The following TBC1D22A variants were observed in gnomAD, a reference collection of about 807,000 sequenced individuals.
TBC1D22A encodes TBC1 domain family member 22A.
A neutral mutation model predicts 60.2 loss-of-function variants in TBC1D22A; 38 were observed. That is an observed-to-expected ratio of 0.63 (90% CI 0.49 to 0.83). The LOEUF is 0.83. Ranked by LOEUF, TBC1D22A falls within the 40% of genes least tolerant of loss-of-function variation. The pLI is 0.00. For missense variants in TBC1D22A, 628 were observed against 701.0 expected, an observed-to-expected ratio of 0.90 and a Z score of 1.18; for synonymous variants, 302 against 281.7, an observed-to-expected ratio of 1.07 and a Z score of -0.72.
At chr22:47,128,882 A>G (rs530464471) in intron 12 of TBC1D22A, among the ~76,000 whole-genome samples, 1 of 152,332 alleles carries the variant, frequency 6.6e-6, no homozygotes, top group South Asian at 2.1e-4. Context: ...CACACTTGGC[A>G]ATATGCATGA....
At chr22:46,782,083 C>T (rs188698881) in intron 1 of TBC1D22A, among the ~76,000 whole-genome samples, 1 of 152,344 alleles carries the variant, frequency 6.6e-6, no homozygotes, top group Non-Finnish European at 1.5e-5. Flanking sequence ...GAGATGGAGT[C>T]TCACTCTGTC....
At chr22:46,939,512 T>G (rs921321941) in intron 8 of TBC1D22A, among the ~76,000 whole-genome samples, 8 of 152,172 alleles carry the variant, frequency 5.3e-5, no homozygotes, top group African/African-American at 1.9e-4. Flanking sequence ...TGGACCAAAT[T>G]TGGTACACTT....
intron 8 of TBC1D22A, among the ~76,000 whole-genome samples, chr22:46,949,941 G>A (rs2072797657): frequency 6.6e-6 from 1 of 152,240 alleles, no homozygotes; most frequent in South Asian, 2.1e-4. Flanking sequence ...GCTGTGCTCA[G>A]TGTCATCTGA....
At chr22:46,848,218 C>T (rs943063326) in intron 4 of TBC1D22A, among the ~76,000 whole-genome samples, 11 of 152,204 alleles carry the variant, frequency 7.2e-5, no homozygotes, top group Non-Finnish European at 1.2e-4. Flanking sequence ...AAAATGGTAT[C>T]GCGGAGGCGG....
Position 46,827,986 on chromosome 22 carries a change from C to T in TBC1D22A, c.637+30366C>T, listed in dbSNP as rs575446281. Among the ~76,000 whole-genome samples the T allele has an allele frequency of 5.3e-5, 8 of 152,292 alleles. No homozygotes were observed. The East Asian group carries it at 5.8e-4, about 11-fold the overall frequency. ...AATCTCAAGTGTTGTTAGGCCTGTG[C>T]GTCGTGCAGTGTAATTTCCCCACAA... On this transcript the variant is annotated intron_variant, in intron 4 of 12. Coordinates refer to ENST00000337137, the MANE Select transcript of TBC1D22A (RefSeq NM_014346.5).
intron 12 of TBC1D22A, among the ~76,000 whole-genome samples, chr22:47,138,505 A>G (rs993668250): frequency 6.6e-5 from 10 of 152,308 alleles, no homozygotes; most frequent in African/African-American, 9.6e-5. Flanking sequence ...GTGTCCCGGC[A>G]CAGCTTCCCA....
intron 4 of TBC1D22A, among the ~76,000 whole-genome samples, chr22:46,806,876 A>G (rs1601944022): frequency 1.3e-5 from 2 of 152,202 alleles, no homozygotes; most frequent in African/African-American, 2.4e-5. Flanking sequence ...AGTAGCTACA[A>G]TTATGGAATT....
At chr22:46,806,086 C>CAA in intron 4 of TBC1D22A, among the ~76,000 whole-genome samples, 1 of 152,106 alleles carries the variant, frequency 6.6e-6, no homozygotes, top group Non-Finnish European at 1.5e-5. Flanking sequence ...CTCCTGACCT[C>CAA]GTGATCCACC....
chr22:47,037,075 A>G lies in TBC1D22A; in HGVS notation c.1206A>G (p.Gln402=), dbSNP rs755258982. The change falls in exon 11 of 13, where the codon CAA becomes CAG. Residue 402 remains glutamine (Q), a synonymous_variant. Transcript: ENST00000337137. The part of the protein sequence containing the change: ...LEELVSRIDE[Q]VHRHLDQHEV... ...GCCTGTGTTTGTTTTGTGCAGAGCA[A>G]GTGCACCGGCACCTGGACCAACACG... 5.6e-6 allele frequency: 9 copies of G among 1,613,436 alleles called. No individual in the cohort carries two copies. The highest frequency in any genetic ancestry group is 1.7e-6 in the Non-Finnish European group (2 of 1,179,664).
At chr22:46,891,505 G>T (rs2147602585) in intron 6 of TBC1D22A, 111 bp downstream of exon 6, 2 of 1,195,256 alleles carry the variant, frequency 1.7e-6, no homozygotes, top group Non-Finnish European at 2.3e-6. Flanking sequence ...AGTTAAAGAT[G>T]CAGGTCCCTG....
At chr22:46,768,501 A>C (rs1359303366) in intron 1 of TBC1D22A, among the ~76,000 whole-genome samples, 1 of 151,246 alleles carries the variant, frequency 6.6e-6, no homozygotes, top group Admixed American at 6.6e-5. Flanking sequence ...AAAAAAAAAA[A>C]AAAAAAAATA....
At chr22:47,145,316 C>T (rs1428686108) in intron 12 of TBC1D22A, among the ~76,000 whole-genome samples, 5 of 152,148 alleles carry the variant, frequency 3.3e-5, no homozygotes, top group African/African-American at 7.2e-5. Flanking sequence ...GGTAGTGACC[C>T]GTCTGGCTGG....
chr22:47,151,636 G>A (rs1334701265), intron 12 of TBC1D22A, among the ~76,000 whole-genome samples: 3 of 152,182 alleles, frequency 2.0e-5, no homozygotes, highest in Non-Finnish European at 4.4e-5. Flanking sequence ...TGGCTGCTGA[G>A]CCAGGGCTTC....
intron 4 of TBC1D22A, among the ~76,000 whole-genome samples, chr22:46,870,672 T>G (rs1455472235): frequency 1.3e-5 from 2 of 152,196 alleles, no homozygotes; most frequent in Non-Finnish European, 1.5e-5. Context: ...TTTCGGAGGC[T>G]TGGAGGTCTC....
intron 8 of TBC1D22A, among the ~76,000 whole-genome samples, chr22:46,947,748 T>TG (rs136065): frequency 1 from 152,240 of 152,242 alleles, 76,119 homozygotes; most frequent in Middle Eastern, 1. Context: ...GAGTGGGAGG[T>TG]GGCAGAGACG....
In TBC1D22A at chr22:47,001,938, C is replaced by T. The variant is rs137925383; in HGVS notation, c.1201+4229C>T. ...TGTCGCCTAATCTGTATTATCCTGC[C>T]TTGTGTTACTTAAAATTTAATAAGC... On this transcript the variant is annotated intron_variant, in intron 10 of 12. Coordinates refer to ENST00000337137, the MANE Select transcript of TBC1D22A (RefSeq NM_014346.5). 3.8e-3 allele frequency among the ~76,000 whole-genome samples: 580 copies of T among 152,274 alleles called. 4 individuals are homozygous for T. Among genetic ancestry groups the T allele is most frequent in the African/African-American group, 0.013 (553 of 41,534 alleles).
chr22:46,843,079 C>A (rs1398882296), intron 4 of TBC1D22A, among the ~76,000 whole-genome samples: 1 of 152,092 alleles, frequency 6.6e-6, no homozygotes, highest in East Asian at 1.9e-4. Flanking sequence ...TAGTTCCATG[C>A]GTTCAGCTGG....
intron 11 of TBC1D22A, among the ~76,000 whole-genome samples, chr22:47,058,431 C>T (rs1332698172): frequency 6.6e-6 from 1 of 152,124 alleles, no homozygotes; most frequent in Non-Finnish European, 1.5e-5. Flanking sequence ...CAGCCCTCAG[C>T]CCCACCGTCC....
At chr22:46,858,949 G>A (rs971990391) in intron 4 of TBC1D22A, among the ~76,000 whole-genome samples, 3 of 151,974 alleles carry the variant, frequency 2.0e-5, no homozygotes, top group Admixed American at 1.3e-4. Flanking sequence ...ATGCCCACGC[G>A]CAGACCAGAA....
Sources: allele counts gnomAD v4.1 joint callset (sites outside exome capture counted in the v4.1 genomes callset), GRCh38; gene constraint gnomAD v4.1.1; transcripts MANE v1.5; gene names NCBI Gene and HGNC (gene_info 2026-07-23, HGNC 2026-07-21).